The following SMG7 variants were observed in gnomAD, a reference collection of about 807,000 sequenced individuals.
SMG7 encodes SMG7 nonsense mediated mRNA decay factor.
Under a neutral mutation model 148.2 loss-of-function variants are expected in SMG7, and 34 were observed. The ratio of observed to expected loss-of-function variants is 0.23; its 90% confidence interval spans 0.17 to 0.31. The LOEUF (loss-of-function observed/expected upper bound fraction) is 0.31. Among genes scored for constraint, SMG7 ranks in the 10% least tolerant of loss-of-function variants. The pLI is 1.00. For missense variants in SMG7, 1,114 were observed against 1,408.4 expected (o/e 0.79, Z 3.35); for synonymous variants, 492 against 515.1 (o/e 0.96, Z 0.61).
In SMG7 at chr1:183,551,959, G is replaced by A; in HGVS notation, c.*28G>A. ...CCAAAGTGGCAACCTGGGAATGAAG[G>A]CTCCATAAACCATGGCATGTTGGGT... On this transcript the variant is annotated 3_prime_UTR_variant, in exon 23 of 23. Coordinates refer to ENST00000688051, the MANE Select transcript of SMG7 (RefSeq NM_001375584.1). 8 of 1,610,746 alleles carry A rather than the reference G, an allele frequency of 5.0e-6. No homozygotes were observed. Among genetic ancestry groups the A allele is most frequent in the Non-Finnish European group, 6.8e-6 (8 of 1,178,140 alleles).
At chr1:183,507,235 T>C (rs977022915) in intron 1 of SMG7, among the ~76,000 whole-genome samples, 2 of 152,192 alleles carry the variant, frequency 1.3e-5, no homozygotes, top group Non-Finnish European at 2.9e-5. Context: ...CATTGTTACA[T>C]AAGTGCTATA....
chr1:183,530,117 T>G (rs746443260), intron 8 of SMG7, among the ~76,000 whole-genome samples: 9 of 152,184 alleles, frequency 5.9e-5, no homozygotes, highest in African/African-American at 2.2e-4. Flanking sequence ...AGTATTAACT[T>G]TTTTTCAGTT....
At chr1:183,503,419 TA>T (rs925952317) in intron 1 of SMG7, among the ~76,000 whole-genome samples, 10 of 151,410 alleles carry the variant, frequency 6.6e-5, no homozygotes, top group South Asian at 2.1e-4. Flanking sequence ...TGGAGAAAAA[TA>T]AAAAAAAATA....
At chr1:183,537,068 T>TA in intron 10 of SMG7, 77 bp from the exon 11 acceptor site, 1 of 994,884 alleles carries the variant, frequency 1.0e-6, no homozygotes, top group Non-Finnish European at 1.6e-6. Context: ...GACCTATAGA[T>TA]ACCATTTTCA....
chr1:183,523,871 A>G (rs1360713559), intron 4 of SMG7, among the ~76,000 whole-genome samples: 1 of 151,456 alleles, frequency 6.6e-6, no homozygotes, highest in South Asian at 2.1e-4. Context: ...TTCATTACCT[A>G]TTGAAGTCAG....
At chr1:183,502,413 A>T in intron 1 of SMG7, 1 of 1,517,338 alleles carries the variant, frequency 6.6e-7, no homozygotes, top group Non-Finnish European at 8.8e-7. Flanking sequence ...ATTACAAGGG[A>T]TTTCTACATG....
chr1:183,538,473 C>G (rs1205722178), intron 12 of SMG7, 33 bp downstream of exon 12: 1 of 1,344,060 alleles, frequency 7.4e-7, no homozygotes, highest in Non-Finnish European at 1.1e-6. Context: ...TTATCATTGC[C>G]AGTGATTGCA....
intron 1 of SMG7, among the ~76,000 whole-genome samples, chr1:183,475,627 T>A (rs952784778): frequency 6.6e-6 from 1 of 152,222 alleles, no homozygotes; most frequent in Non-Finnish European, 1.5e-5. Flanking sequence ...TTGGTCCTTT[T>A]TGTAAGGTTC....
rs772475750 is a variant in SMG7, at chr1:183,517,730, C to T, written c.222C>T (p.Gly74=). ...AGAATCAGATCACAACACTGCAAGG[C>T]CAGGCAAAGAATCGAGCAAATCCGA... The part of the protein sequence containing the change: ...AFKNQITTLQ[G]QAKNRANPNR... Residue 74 remains glycine, a synonymous_variant, in exon 4 of 23, where the codon GGC becomes GGT. Transcript: ENST00000688051. The T allele has an allele frequency of 5.0e-6, 8 of 1,613,644 alleles. No individual in the cohort carries two copies. The Admixed American group carries it at 1.3e-4, about 27-fold the overall frequency.
At chr1:183,512,974 G>T in intron 2 of SMG7, 106 bp downstream of exon 2, 2 of 990,598 alleles carry the variant, frequency 2.0e-6, no homozygotes, top group Non-Finnish European at 3.0e-6. Flanking sequence ...CATCTTAGTT[G>T]CCAAAAGGGA....
At chr1:183,513,157 G>A (rs1662571555) in intron 2 of SMG7, 1 of 303,564 alleles carries the variant, frequency 3.3e-6, no homozygotes, top group Admixed American at 5.0e-5. Context: ...AATGATTTAA[G>A]ACATACAGAA....
At chr1:183,513,564 G>T (rs1365245889) in intron 2 of SMG7, among the ~76,000 whole-genome samples, 6 of 151,932 alleles carry the variant, frequency 3.9e-5, no homozygotes, top group African/African-American at 1.2e-4. Context: ...TAGAGATGGG[G>T]ATTCACCATG....
chr1:183,487,567 A>G (rs1322186087), intron 1 of SMG7, among the ~76,000 whole-genome samples: 1 of 152,228 alleles, frequency 6.6e-6, no homozygotes, highest in East Asian at 1.9e-4. Flanking sequence ...ATCACATCAT[A>G]GAACTCAGCC....
Position 183,546,204 on chromosome 1 carries a change from A to G in SMG7, c.2609A>G (p.Tyr870Cys), listed in dbSNP as rs1669897721. ...TCAGAAGTCAAGGTCCCAGAATTCT[A>G]CTGGGATTCTTCCTACAGCATGGCT... ...NPSEVKVPEF[Y>C]WDSSYSMADN... Residue 870 changes from tyrosine (Y) to cysteine (C), a missense_variant, in exon 17 of 23, where the codon TAC becomes TGC. By Grantham distance (194) the Tyr-to-Cys change is radical. Coordinates refer to ENST00000688051, the MANE Select transcript of SMG7 (RefSeq NM_001375584.1). 6.2e-7 allele frequency: 1 copy of G among 1,614,076 alleles called. No individual in the cohort carries two copies. The highest frequency in any genetic ancestry group is 1.7e-5 in the Admixed American group (1 of 59,998).
chr1:183,548,485 G>T (rs1195347018), intron 18 of SMG7, among the ~76,000 whole-genome samples: 1 of 151,934 alleles, frequency 6.6e-6, no homozygotes, highest in Admixed American at 6.6e-5. Flanking sequence ...ACAAGTGGGA[G>T]TATTTTCAGG....
At chr1:183,512,911 T>C (rs1406245222) in intron 2 of SMG7, 43 bp downstream of exon 2, 1 of 1,526,124 alleles carries the variant, frequency 6.6e-7, no homozygotes, top group Non-Finnish European at 8.9e-7. Flanking sequence ...ATTTTATATA[T>C]TAAATTAATG....
In SMG7 at chr1:183,552,737, T is replaced by TTC; in HGVS notation, c.*807_*808dup. On this transcript the variant is annotated 3_prime_UTR_variant, in exon 23 of 23. Transcript: ENST00000688051. ...GTAGGATTTCAAATTACGTTTTTGA[T>TTC]TCCTGTACATTTTACAGTCGCACAG... is the stretch of plus-strand genomic sequence containing the variant. 1 of 1,349,090 alleles carries TTC rather than the reference T, an allele frequency of 7.4e-7. No individual in the cohort carries two copies. Among genetic ancestry groups the TTC allele is most frequent in the Non-Finnish European group, 9.5e-7 (1 of 1,049,964 alleles). 83.6% of individuals were successfully genotyped at this position (1,349,090 alleles called of 1,614,324 possible).
chr1:183,509,131 A>G (rs1661598156), intron 1 of SMG7, among the ~76,000 whole-genome samples: 1 of 152,196 alleles, frequency 6.6e-6, no homozygotes, highest in South Asian at 2.1e-4. Context: ...CAACATGGAA[A>G]TGAATGTGTG....
intron 1 of SMG7, 98 bp from the exon 2 acceptor site, chr1:183,512,739 A>G (rs781585744): frequency 9.9e-6 from 11 of 1,113,474 alleles, no homozygotes; most frequent in Non-Finnish European, 1.4e-5. Context: ...TTATCGTAGT[A>G]TATGATTTCA....
Sources: allele counts gnomAD v4.1 joint callset (sites outside exome capture counted in the v4.1 genomes callset), GRCh38; gene constraint gnomAD v4.1.1; transcripts MANE v1.5; gene names NCBI Gene and HGNC (gene_info 2026-07-23, HGNC 2026-07-21).